RBFOX1: variants seen among roughly 807,000 people sequenced by gnomAD.
RBFOX1 encodes the protein RNA binding protein fox-1 homolog 1.
Under a neutral mutation model 57.7 loss-of-function variants are expected in RBFOX1, and 8 were observed. The ratio of observed to expected loss-of-function variants is 0.14; its 90% CI spans 0.08 to 0.25. RBFOX1 has a LOEUF of 0.25. Among genes scored for constraint, RBFOX1 ranks in the 10% least tolerant of loss-of-function variants. The pLI is 1.00. For synonymous variants in RBFOX1, 326 were observed against 222.4 expected (o/e 1.47, Z -4.15); for missense variants, 611 against 548.5 (o/e 1.11, Z -1.14).
intron 4 of RBFOX1, among the ~76,000 whole-genome samples, chr16:7,289,450 A>T (rs996342316): frequency 6.6e-6 from 1 of 152,174 alleles, no homozygotes; most frequent in Non-Finnish European, 1.5e-5. Context: ...TACCATCATC[A>T]TCAGCAAGAG....
At chr16:6,852,862 C>G (rs1042136588) in intron 3 of RBFOX1, among the ~76,000 whole-genome samples, 1 of 151,946 alleles carries the variant, frequency 6.6e-6, no homozygotes, top group Non-Finnish European at 1.5e-5. Flanking sequence ...GAACTGCTGT[C>G]CAGGTGAGGT....
chr16:7,079,432 G>C (rs535397426), intron 4 of RBFOX1, among the ~76,000 whole-genome samples: 1 of 152,196 alleles, frequency 6.6e-6, no homozygotes, highest in African/African-American at 2.4e-5. Flanking sequence ...CAGAACCACA[G>C]TTTACACTGT....
intron 2 of RBFOX1, among the ~76,000 whole-genome samples, chr16:6,571,100 T>G (rs1466002710): frequency 2.0e-5 from 3 of 152,228 alleles, no homozygotes; most frequent in African/African-American, 7.2e-5. Flanking sequence ...ATTTGCAAGT[T>G]TGTGGGTCCT....
chr16:5,978,967 T>A (rs571232462), intron 4 of RBFOX1, among the ~76,000 whole-genome samples: 1 of 152,370 alleles, frequency 6.6e-6, no homozygotes, highest in Admixed American at 6.5e-5. Flanking sequence ...CTGTATTCTT[T>A]GTTACTAAAT....
chr16:7,100,836 G>T (rs1386350684), intron 4 of RBFOX1, among the ~76,000 whole-genome samples: 2 of 152,118 alleles, frequency 1.3e-5, no homozygotes, highest in African/African-American at 4.8e-5. Context: ...GTCAAATTGA[G>T]AAATGTTTTG....
chr16:6,914,287 A>T (rs1044317674), intron 3 of RBFOX1, among the ~76,000 whole-genome samples: 4 of 152,198 alleles, frequency 2.6e-5, no homozygotes, highest in Non-Finnish European at 5.9e-5. Flanking sequence ...CATTATAATT[A>T]TAATTTCCGG....
chr16:6,074,502 G>C (rs2095873139), intron 1 of RBFOX1, among the ~76,000 whole-genome samples: 2 of 152,196 alleles, frequency 1.3e-5, no homozygotes, highest in Admixed American at 6.5e-5. Flanking sequence ...TGGGGGTCCT[G>C]TGAAGGAACC....
chr16:7,277,108 C>G (rs2095455352), intron 4 of RBFOX1, among the ~76,000 whole-genome samples: 1 of 152,132 alleles, frequency 6.6e-6, no homozygotes, highest in Non-Finnish European at 1.5e-5. Flanking sequence ...GATAATTGAT[C>G]CTTTGACTAT....
chr16:6,103,730 C>G (rs1218137121), intron 1 of RBFOX1, among the ~76,000 whole-genome samples: 1 of 152,164 alleles, frequency 6.6e-6, no homozygotes, highest in East Asian at 1.9e-4. Context: ...ACATTCCTCA[C>G]TTCCACCTGC....
intron 4 of RBFOX1, among the ~76,000 whole-genome samples, chr16:7,146,957 G>A (rs8062381): frequency 0.6 from 60,296 of 100,948 alleles, 17,553 homozygotes; most frequent in African/African-American, 0.79. Flanking sequence ...TCAAAATAAT[G>A]ATAAAAAAGA....
chr16:6,102,456 A>G (rs1354992600), intron 1 of RBFOX1, among the ~76,000 whole-genome samples: 2 of 152,174 alleles, frequency 1.3e-5, no homozygotes, highest in Admixed American at 6.5e-5. Context: ...AACATCAATC[A>G]TTGAATTGCA....
At chr16:7,217,533 A>G (rs770361468) in intron 4 of RBFOX1, among the ~76,000 whole-genome samples, 1 of 150,828 alleles carries the variant, frequency 6.6e-6, no homozygotes, top group Admixed American at 6.6e-5. Flanking sequence ...TTGACTTCCA[A>G]CCCCTCGTCC....
At chr16:6,087,532 A>G (rs1014797592) in intron 1 of RBFOX1, among the ~76,000 whole-genome samples, 4 of 152,228 alleles carry the variant, frequency 2.6e-5, no homozygotes, top group Admixed American at 6.5e-5. Context: ...GTCTTAAGAT[A>G]GCATGAGAAT....
chr16:5,909,646 C>G (rs905461760), intron 4 of RBFOX1, among the ~76,000 whole-genome samples: 2 of 152,184 alleles, frequency 1.3e-5, no homozygotes, highest in Non-Finnish European at 2.9e-5. Flanking sequence ...CTGGGCATCT[C>G]TACCTGAGGT....
chr16:5,954,638 G>A (rs1331863880), intron 4 of RBFOX1, among the ~76,000 whole-genome samples: 1 of 152,138 alleles, frequency 6.6e-6, no homozygotes, highest in Non-Finnish European at 1.5e-5. Flanking sequence ...AAACTGTAAT[G>A]AGGACTCATA....
chr16:5,662,994 G>A (rs2049707997), intron 3 of RBFOX1, among the ~76,000 whole-genome samples: 1 of 152,204 alleles, frequency 6.6e-6, no homozygotes, highest in South Asian at 2.1e-4. Context: ...CCAGTGGGCA[G>A]GAGAGCAATT....
chr16:7,372,862 G>C (rs1208611738), intron 4 of RBFOX1, among the ~76,000 whole-genome samples: 1 of 151,960 alleles, frequency 6.6e-6, no homozygotes, highest in Non-Finnish European at 1.5e-5. Context: ...AGAATATCTT[G>C]CTTCTAGGTG....
At chr16:7,235,596 C>G (rs1039686867) in intron 4 of RBFOX1, among the ~76,000 whole-genome samples, 6 of 152,150 alleles carry the variant, frequency 3.9e-5, no homozygotes, top group African/African-American at 1.4e-4. Flanking sequence ...TTTGCCCTTT[C>G]AATTGATGGG....
intron 4 of RBFOX1, among the ~76,000 whole-genome samples, chr16:7,141,271 A>G (rs939045812): frequency 6.6e-6 from 1 of 152,194 alleles, no homozygotes; most frequent in African/African-American, 2.4e-5. Context: ...AGTTCAGGGC[A>G]TCTATTCACA....
Sources: gnomAD v4.1 joint callset for allele counts (sites outside exome capture counted in the v4.1 genomes callset) on GRCh38, gnomAD v4.1.1 for gene constraint, MANE v1.5 for transcripts, NCBI Gene and HGNC (gene_info 2026-07-23, HGNC 2026-07-21) for gene names.